Variants in ARL6IP1 observed in about 807,000 individuals in gnomAD.
ARL6IP1 encodes the protein ARL6 interacting reticulophagy regulator 1, also known as ADP-ribosylation factor-like protein 6-interacting protein 1.
In ARL6IP1, 16 loss-of-function variants were observed where a neutral mutation model predicts 30.1. The observed-to-expected ratio is 0.53, with a 90% confidence interval of 0.36 to 0.81. The LOEUF is 0.81. Ranked by LOEUF, ARL6IP1 falls within the 30% of genes least tolerant of loss-of-function variation. The pLI, the probability that ARL6IP1 is intolerant of heterozygous loss-of-function variation, is 0.01. For synonymous variants in ARL6IP1, 72 were observed against 84.8 expected, an observed-to-expected ratio of 0.85 and a Z score of 0.83; for missense variants, 173 against 242.7, an observed-to-expected ratio of 0.71 and a Z score of 1.91.
chr16:18,796,024 A>C (rs1357587051), intron 3 of ARL6IP1, among the ~76,000 whole-genome samples: 2 of 152,214 alleles, frequency 1.3e-5, no homozygotes, highest in Non-Finnish European at 2.9e-5. Flanking sequence ...GATACTAACT[A>C]CTGGCATTTA....
intron 3 of ARL6IP1, chr16:18,797,675 T>C (rs2030282829): frequency 3.2e-6 from 1 of 312,424 alleles, no homozygotes; most frequent in East Asian, 6.3e-5. Flanking sequence ...GAAGTTATTA[T>C]ACTATCCTAA....
chr16:18,797,727 A>G (rs1169432066), intron 3 of ARL6IP1, 198 bp downstream of exon 3: 1 of 551,222 alleles, frequency 1.8e-6, no homozygotes, highest in Non-Finnish European at 3.0e-6. Context: ...CATTTACCAT[A>G]AAAGAACTAT....
chr16:18,797,893 A>G, intron 3 of ARL6IP1, 32 bp downstream of exon 3: 1 of 1,601,266 alleles, frequency 6.2e-7, no homozygotes. Context: ...AACTACACAA[A>G]AATGAGACTG....
chr16:18,801,034 GA>G (rs1183893807), intron 1 of ARL6IP1, among the ~76,000 whole-genome samples: 2 of 152,362 alleles, frequency 1.3e-5, no homozygotes, highest in East Asian at 1.9e-4. Context: ...AGGGGGAAAA[GA>G]AGGCAGGCAC....
chr16:18,798,080 G>T, intron 2 of ARL6IP1, 36 bp from the exon 3 acceptor site: 1 of 1,541,782 alleles, frequency 6.5e-7, no homozygotes, highest in Admixed American at 2.0e-5. Flanking sequence ...GAAAAACATA[G>T]TCATTATTAT....
chr16:18,795,256 AT>A, intron 4 of ARL6IP1: 1 of 424,900 alleles, frequency 2.4e-6, no homozygotes, highest in Non-Finnish European at 4.2e-6. Flanking sequence ...AAACAGAAGA[AT>A]TTTGTTTTAT....
rs2030090795 is a variant in ARL6IP1 at position 18,792,275 on chromosome 16, G to T, written c.*977C>A. The T allele has an allele frequency of 6.6e-6, 1 of 152,162 alleles. No homozygotes were observed. The highest frequency in any genetic ancestry group is 2.4e-5 in the African/African-American group (1 of 41,430). The allele number at this position is 152,162 out of a possible 1,614,324, so 9.4% of individuals were successfully genotyped here. The stretch of plus-strand genomic sequence containing the variant: ...ACTATCTCCCATGTCAAACCTAGGG[G>T]ACTAAAATGGTCAGTATTACCATAA... On this transcript the variant is annotated 3_prime_UTR_variant, in exon 6 of 6. Coordinates refer to ENST00000304414, the MANE Select transcript of ARL6IP1 (RefSeq NM_015161.3).
intron 3 of ARL6IP1, among the ~76,000 whole-genome samples, chr16:18,796,748 G>T (rs1256967032): frequency 6.6e-6 from 1 of 152,162 alleles, no homozygotes. Context: ...GCTGTTGGGG[G>T]AAACACCTTT....
chr16:18,797,292 A>G (rs1338558017), intron 3 of ARL6IP1, among the ~76,000 whole-genome samples: 1 of 151,540 alleles, frequency 6.6e-6, no homozygotes, highest in Non-Finnish European at 1.5e-5. Flanking sequence ...GGCTGAGGCA[A>G]GAGAATGGCA....
At chr16:18,799,540 C>T (rs1014064744) in intron 1 of ARL6IP1, among the ~76,000 whole-genome samples, 1 of 152,124 alleles carries the variant, frequency 6.6e-6, no homozygotes, top group South Asian at 2.1e-4. Flanking sequence ...TTGTTTATTT[C>T]AGATGGTTAG....
At chr16:18,800,159 C>A (rs2030365078) in intron 1 of ARL6IP1, among the ~76,000 whole-genome samples, 1 of 152,150 alleles carries the variant, frequency 6.6e-6, no homozygotes, top group Admixed American at 6.5e-5. Flanking sequence ...ATATTCCATG[C>A]TTAATACTAG....
Position 18,795,597 on chromosome 16 carries a change from G to T in ARL6IP1, c.291-16C>A. On this transcript the variant is annotated splice_polypyrimidine_tract_variant and intron_variant, in intron 3 of 5. Coordinates refer to ENST00000304414, the MANE Select transcript of ARL6IP1 (RefSeq NM_015161.3). ...TTCAGTGGTCCTAGAAAAGAAATTT[G>T]CCTTTTGCTATAAACAAATCGTTAC... 1 of 1,597,178 alleles carries T rather than the reference G, an allele frequency of 6.3e-7. No individual in the cohort carries two copies.
At chr16:18,797,173 A>G (rs1472990232) in intron 3 of ARL6IP1, among the ~76,000 whole-genome samples, 1 of 151,784 alleles carries the variant, frequency 6.6e-6, no homozygotes, top group Admixed American at 6.6e-5. Flanking sequence ...AGGTCAGGAG[A>G]TCGAGACCAT....
At position 18,793,037 on chromosome 16, in the gene ARL6IP1, A is replaced by G. The variant is rs753186014; in HGVS notation, c.*215T>C. ...AAGTCAAAACACTAATGAGTTGTCC[A>G]TGAAGCCAACTGCTAAGAACGCGCT... On this transcript the variant is annotated 3_prime_UTR_variant, in exon 6 of 6. Coordinates refer to ENST00000304414, the MANE Select transcript of ARL6IP1 (RefSeq NM_015161.3). 3.3e-5 allele frequency: 13 copies of G among 397,570 alleles called. No individual in the cohort carries two copies. Among genetic ancestry groups the G allele is most frequent in the Non-Finnish European group, 5.4e-5 (12 of 221,804 alleles). The allele number at this position is 397,570 out of a possible 1,614,324, so 24.6% of individuals were successfully genotyped here. A position where few individuals can be genotyped will look rare whatever the true frequency, so the allele number is the denominator to read the frequency against.
chr16:18,801,285 G>A (rs913328546), intron 1 of ARL6IP1, 146 bp downstream of exon 1: 8 of 1,481,566 alleles, frequency 5.4e-6, no homozygotes, highest in South Asian at 5.3e-5. Flanking sequence ...AGTCACCCAA[G>A]AAGCCCGAGG....
At chr16:18,801,101 G>T in intron 1 of ARL6IP1, 1 of 1,084,918 alleles carries the variant, frequency 9.2e-7, no homozygotes, top group Non-Finnish European at 1.2e-6. Context: ...CCTGAGCCGC[G>T]AAAGCGCTGG....
In ARL6IP1 at chr16:18,801,519, C is replaced by T. The variant is rs578178989; in HGVS notation, c.-53G>A. 7.0e-5 allele frequency: 111 copies of T among 1,596,984 alleles called. No individual in the cohort carries two copies. The African/African-American group carries it at 1.3e-3, about 19-fold the overall frequency. On this transcript the variant is annotated 5_prime_UTR_variant, in exon 1 of 6. Coordinates refer to ENST00000304414, the MANE Select transcript of ARL6IP1 (RefSeq NM_015161.3). ...GCAGGCCACCTCCCCAACGAGTCCT[C>T]CAACCGAAACCCGCACACCAACCAC...
intron 5 of ARL6IP1, 127 bp downstream of exon 5, chr16:18,794,472 T>G: frequency 1.6e-6 from 1 of 608,990 alleles, no homozygotes; most frequent in South Asian, 2.1e-5. Context: ...ACCATAATAA[T>G]CTTTCCATAT....
In ARL6IP1 at chr16:18,795,452, C is replaced by CA; in HGVS notation, c.408+11dup. On this transcript the variant is annotated intron_variant, in intron 4 of 5. Coordinates refer to ENST00000304414, the MANE Select transcript of ARL6IP1 (RefSeq NM_015161.3). ...AAATTTTACTGTACTTAAGTCAAAGCAAAAAAAGTACCATCTTAGGTTTTT... is the reference window on the plus strand; with the variant it reads ...AAATTTTACTGTACTTAAGTCAAAGCAAAAAAAAGTACCATCTTAGGTTTTT... The CA allele has an allele frequency of 1.9e-6, 3 of 1,597,698 alleles. No individual in the cohort carries two copies. The highest frequency in any genetic ancestry group is 1.1e-5 in the South Asian group (1 of 89,930).
Sources: allele counts gnomAD v4.1 joint callset (sites outside exome capture counted in the v4.1 genomes callset), GRCh38; gene constraint gnomAD v4.1.1; transcripts MANE v1.5; gene names NCBI Gene and HGNC (gene_info 2026-07-23, HGNC 2026-07-21).